Variants in KIAA1217 observed in about 807,000 individuals in gnomAD.
KIAA1217 encodes the protein KIAA1217, also known as sickle tail protein homolog.
In KIAA1217, 88 loss-of-function variants were observed where a neutral mutation model predicts 163.9. The observed-to-expected ratio is 0.54, with a 90% CI of 0.45 to 0.64. KIAA1217 has a LOEUF of 0.64. Ranked by LOEUF, KIAA1217 falls within the 30% of genes least tolerant of loss-of-function variation. The pLI, the probability that KIAA1217 is intolerant of heterozygous loss-of-function variation, is 0.00. For missense variants in KIAA1217, 2,372 were observed against 2,475.0 expected (o/e 0.96, Z 0.88); for synonymous variants, 903 against 923.1 (o/e 0.98, Z 0.39).
In KIAA1217 at chr10:24,018,593, A is replaced by G. The variant is rs182493628; in HGVS notation, c.-171+11219A>G. ...AAATAATAATAATAAATAAATAAAT[A>G]AAATTAAAAACAAGTAGCATATAGT... On this transcript the variant is annotated intron_variant, in intron 2 of 18. Coordinates refer to the KIAA1217 transcript ENST00000376462. 1.6e-3 allele frequency among the ~76,000 whole-genome samples: 244 copies of G among 151,736 alleles called. 1 individual carries two copies. Among genetic ancestry groups the G allele is most frequent in the African/African-American group, 5.6e-3 (232 of 41,504 alleles).
chr10:23,824,658 A>AATATATATATATATAT (rs1199680251), intron 1 of KIAA1217, among the ~76,000 whole-genome samples: 1 of 53,040 alleles, frequency 1.9e-5, no homozygotes, highest in African/African-American at 6.5e-5. Flanking sequence ...AAATAAAAAA[A>AATATATATATATATAT]ATATATATAT....
chr10:23,767,719 T>A (rs1267274342), intron 1 of KIAA1217, among the ~76,000 whole-genome samples: 1 of 152,164 alleles, frequency 6.6e-6, no homozygotes, highest in Non-Finnish European at 1.5e-5. Context: ...GTGATGCATT[T>A]GCATGGGGGC....
chr10:24,456,997 C>T (rs573343803), intron 5 of KIAA1217, among the ~76,000 whole-genome samples: 4 of 151,670 alleles, frequency 2.6e-5, no homozygotes, highest in Admixed American at 2.0e-4. Flanking sequence ...CCACTGTGCC[C>T]GGCCAATTAA....
rs554463222 is a variant in KIAA1217 at position 23,864,317 on chromosome 10, G to A, written c.-320-142908G>A. 7.2e-5 allele frequency among the ~76,000 whole-genome samples: 11 copies of A among 152,022 alleles called. No individual in the cohort carries two copies. The East Asian group carries it at 1.4e-3, about 19-fold the overall frequency. On this transcript the variant is annotated intron_variant, in intron 1 of 18. Coordinates refer to the KIAA1217 transcript ENST00000376462. ...TATCTTATGCCTGTGATAACTGTCC[G>A]TTTTGCACAGGACAAGTTAATGTTC...
At chr10:24,355,056 C>T (rs1025187539) in intron 2 of KIAA1217, among the ~76,000 whole-genome samples, 19 of 152,150 alleles carry the variant, frequency 1.2e-4, no homozygotes, top group African/African-American at 4.6e-4. Flanking sequence ...TTGGCTGTCT[C>T]CAGAGGTTAG....
chr10:23,946,233 A>G (rs1409820362), intron 1 of KIAA1217, among the ~76,000 whole-genome samples: 1 of 149,854 alleles, frequency 6.7e-6, no homozygotes, highest in Middle Eastern at 3.2e-3. Context: ...AGGAAAATCC[A>G]TGCATGCTGT....
intron 2 of KIAA1217, among the ~76,000 whole-genome samples, chr10:24,037,269 T>C (rs761572695): frequency 6.2e-4 from 94 of 152,082 alleles, no homozygotes; most frequent in Non-Finnish European, 1.2e-3. Context: ...AGTTCAAGAC[T>C]GGCCTGGCCA....
intron 1 of KIAA1217, among the ~76,000 whole-genome samples, chr10:23,714,769 G>C (rs1837468428): frequency 6.6e-6 from 1 of 152,086 alleles, no homozygotes; most frequent in Admixed American, 6.6e-5. Context: ...AAAGGGTAGG[G>C]CAAACAAATC....
chr10:24,360,425 C>A (rs769425259), intron 2 of KIAA1217, among the ~76,000 whole-genome samples: 4 of 152,096 alleles, frequency 2.6e-5, no homozygotes, highest in Non-Finnish European at 5.9e-5. Context: ...ATTTTTTATT[C>A]CTCAGTGGTA....
rs768313755 is a variant in KIAA1217, at chr10:24,532,005, T to A, written c.3246+12T>A. 6 of 1,489,006 alleles carry A rather than the reference T, an allele frequency of 4.0e-6. No individual in the cohort carries two copies. The African/African-American group carries it at 8.4e-5, about 21-fold the overall frequency. 92.2% of individuals were successfully genotyped at this position (1,489,006 alleles called of 1,614,324 possible). On this transcript the variant is annotated intron_variant, in intron 15 of 20. Coordinates refer to ENST00000376454, the MANE Select transcript of KIAA1217 (RefSeq NM_019590.5). ...ACATCACCGCTAAGGTCTGATAGGC[T>A]AAGCCCTGGTAAACTGGCCTCTGGG... is the stretch of plus-strand genomic sequence containing the variant.
At chr10:24,164,316 C>T (rs1749155401) in intron 2 of KIAA1217, among the ~76,000 whole-genome samples, 1 of 152,232 alleles carries the variant, frequency 6.6e-6, no homozygotes, top group African/African-American at 2.4e-5. Context: ...TTCAGATTAG[C>T]TTTCTCTAGC....
chr10:23,921,700 C>G (rs1168026767), intron 1 of KIAA1217, among the ~76,000 whole-genome samples: 2 of 151,980 alleles, frequency 1.3e-5, no homozygotes, highest in Admixed American at 6.6e-5. Flanking sequence ...GCAGGTGCAC[C>G]CCCCTGGCTG....
chr10:24,435,617 T>C (rs1255603955), intron 4 of KIAA1217, among the ~76,000 whole-genome samples: 1 of 152,126 alleles, frequency 6.6e-6, no homozygotes. Context: ...TTACAATGAG[T>C]CACCATTTTC....
intron 1 of KIAA1217, among the ~76,000 whole-genome samples, chr10:23,988,172 C>T (rs1415971850): frequency 6.6e-6 from 1 of 152,180 alleles, no homozygotes; most frequent in East Asian, 1.9e-4. Flanking sequence ...TTTCTAGAAT[C>T]CTCTGCCAGG....
chr10:24,487,386 T>G (rs1318296345), intron 6 of KIAA1217, among the ~76,000 whole-genome samples: 1 of 152,236 alleles, frequency 6.6e-6, no homozygotes, highest in African/African-American at 2.4e-5. Flanking sequence ...GTCATGGTGC[T>G]CACGCACAAA....
intron 1 of KIAA1217, among the ~76,000 whole-genome samples, chr10:23,874,269 C>G (rs1840587018): frequency 6.6e-6 from 1 of 151,904 alleles, no homozygotes; most frequent in South Asian, 2.1e-4. Flanking sequence ...TCTTGAATAC[C>G]ATATGTTTTA....
At chr10:23,949,730 T>G (rs1048013984) in intron 1 of KIAA1217, among the ~76,000 whole-genome samples, 3 of 152,182 alleles carry the variant, frequency 2.0e-5, no homozygotes, top group Non-Finnish European at 4.4e-5. Context: ...TTTTAAAAAG[T>G]TGAAAAGTGT....
At chr10:23,803,840 T>G (rs555842903) in intron 1 of KIAA1217, among the ~76,000 whole-genome samples, 1 of 152,302 alleles carries the variant, frequency 6.6e-6, no homozygotes, top group South Asian at 2.1e-4. Flanking sequence ...ACCATGAGAA[T>G]GCTTTGATTT....
intron 1 of KIAA1217, among the ~76,000 whole-genome samples, chr10:23,894,750 G>C (rs941132815): frequency 1.3e-5 from 2 of 149,606 alleles, no homozygotes; most frequent in African/African-American, 4.9e-5. Context: ...ATACTACAAG[G>C]CTACAGTAAC....
Sources: allele counts gnomAD v4.1 joint callset (sites outside exome capture counted in the v4.1 genomes callset), GRCh38; gene constraint gnomAD v4.1.1; transcripts MANE v1.5; gene names NCBI Gene and HGNC (gene_info 2026-07-23, HGNC 2026-07-21).